The following PTCH1 variants were observed in gnomAD, a reference collection of about 807,000 sequenced individuals.
PTCH1 encodes the protein patched 1, also known as protein patched homolog 1.
In PTCH1, 14 loss-of-function variants were observed where a neutral mutation model predicts 144.6. That is an observed-to-expected ratio of 0.10 (90% CI 0.06 to 0.15). PTCH1 has a LOEUF of 0.15. PTCH1 is among the 10% of genes least tolerant of loss of function. The pLI is 1.00. For synonymous variants in PTCH1, 833 were observed against 793.6 expected, an observed-to-expected ratio of 1.05 and a Z score of -0.83; for missense variants, 1,623 against 1,948.3, an observed-to-expected ratio of 0.83 and a Z score of 3.14.
intron 19 of PTCH1, among the ~76,000 whole-genome samples, chr9:95,454,209 T>C (rs1838718430): frequency 2.0e-5 from 3 of 152,244 alleles, no homozygotes; most frequent in Admixed American, 2.0e-4. Flanking sequence ...CCTGCAGTCC[T>C]AAAGCTCTCC....
chr9:95,451,277 C>T (rs1159691102), intron 20 of PTCH1: 1 of 152,220 alleles, frequency 6.6e-6, no homozygotes, highest in African/African-American at 2.4e-5. Flanking sequence ...TGCATCCCAT[C>T]CATCTAGCTG....
Position 95,447,075 on chromosome 9 carries a change from C to CG in PTCH1, c.4180dup (p.Arg1394ProfsTer10), listed in dbSNP as rs1297699637. The CG allele has an allele frequency of 6.2e-7, 1 of 1,613,848 alleles. No homozygotes were observed. The highest frequency in any genetic ancestry group is 1.3e-5 in the African/African-American group (1 of 74,950). ...AGGGTAGCCTGGGCAGAGTCCCCCT[C>CG]GGGGGTTCCGCCCAGGCCCAGGGAC... On this transcript the variant is annotated frameshift_variant, in exon 23 of 24. Coordinates refer to ENST00000331920, the MANE Select transcript of PTCH1 (RefSeq NM_000264.5). LOFTEE classifies it high-confidence loss of function.
rs1272320675 is a variant in PTCH1 at position 95,482,003 on chromosome 9, G to A, written c.692C>T (p.Pro231Leu). ...CGCCCCTTCCCAGAAGCAGTCCAAA[G>A]GTGTAATAATCAAACAAGGGTAAAG... is the stretch of plus-strand genomic sequence containing the variant. ...EYLYPCLIIT[P>L]LDCFWEGAKL... Residue 231 changes from proline to leucine, a missense_variant, in exon 5 of 24, where the codon CCT becomes CTT. By Grantham distance (98) the Pro-to-Leu change is moderately conservative. Around this residue, in one of 7 missense-constraint regions of PTCH1, gnomAD observed 39 missense variants for 75.6 expected, o/e 0.52. Transcript: ENST00000331920. 6.2e-7 allele frequency: 1 copy of A among 1,613,832 alleles called. No individual in the cohort carries two copies. Among genetic ancestry groups the A allele is most frequent in the South Asian group, 1.1e-5 (1 of 91,062 alleles).
At position 95,476,813 on chromosome 9, in the gene PTCH1, A is replaced by G. The variant is rs1265536724; in HGVS notation, c.1548T>C (p.Phe516=). ...TTTCACTGAAGGCGTGGGCCAGAAG[A>G]AAAACATCATCCACACCAACACCAA... ...LALGVGVDDV[F]LLAHAFSETG... The change falls in exon 11 of 24, where the codon TTT becomes TTC. Residue 516 remains phenylalanine (F), a synonymous_variant. Coordinates refer to ENST00000331920, the MANE Select transcript of PTCH1 (RefSeq NM_000264.5). The surrounding 1 kb of genome is among the most constrained non-coding windows in gnomAD (Gnocchi z 4.6). 1 of 1,614,144 alleles carries G rather than the reference A, an allele frequency of 6.2e-7. No homozygotes were observed. The highest frequency in any genetic ancestry group is 8.5e-7 in the Non-Finnish European group (1 of 1,179,978).
intron 2 of PTCH1, among the ~76,000 whole-genome samples, chr9:95,502,885 G>A (rs1843252320): frequency 6.6e-6 from 1 of 152,158 alleles, no homozygotes; most frequent in Non-Finnish European, 1.5e-5. Context: ...ACAGCCTTTC[G>A]AGTGGATCCC....
chr9:95,485,764 C>T lies in PTCH1; in HGVS notation c.505G>A (p.Val169Ile), dbSNP rs1220933796. 6.2e-7 allele frequency: 1 copy of T among 1,614,178 alleles called. No homozygotes were observed. Among genetic ancestry groups the T allele is most frequent in the Non-Finnish European group, 8.5e-7 (1 of 1,180,030 alleles). ...TGTAGGAGCGCTTCTGTGGTCAGGA[C>T]ATTAGCACCTTCTTCTTTAGGGGTC... ...IQTPKEEGAN[V>I]LTTEALLQHL... is the part of the protein sequence containing the mutation. Residue 169 changes from valine to isoleucine, a missense_variant, in exon 3 of 24, where the codon GTC becomes ATC. Transcript: ENST00000331920.
In PTCH1 at chr9:95,449,250, G is replaced by T. The variant is rs914090288; in HGVS notation, c.3623C>A (p.Ala1208Asp). ...GCTGTGCGTGTGGCCGGGCGGCATG[G>T]CGAAGCGGACCACGCTGGGGGGTGG... is the stretch of plus-strand genomic sequence containing the variant. Reference protein sequence around the residue: ...PEPPPSVVRFAMPPGHTHSGS... With the variant: ...PEPPPSVVRFDMPPGHTHSGS... The change falls in exon 22 of 24, where the codon GCC becomes GAC. Residue 1208 changes from alanine (A) to aspartate (D), a missense_variant. This residue lies in a region of PTCH1 where 504 missense variants were observed against 679.3 expected (regional missense o/e 0.74). Transcript: ENST00000331920. The surrounding 1 kb of genome is among the most constrained non-coding windows in gnomAD (Gnocchi z 5.3). 1.3e-6 allele frequency: 2 copies of T among 1,575,044 alleles called. No individual in the cohort carries two copies. The highest frequency in any genetic ancestry group is 8.6e-7 in the Non-Finnish European group (1 of 1,160,100).
chr9:95,463,420 C>T (rs1411998625), intron 15 of PTCH1, among the ~76,000 whole-genome samples: 4 of 151,988 alleles, frequency 2.6e-5, no homozygotes, highest in Non-Finnish European at 5.9e-5. Flanking sequence ...CTCAGACAGA[C>T]GGGTTTTCAT....
Position 95,508,559 on chromosome 9 carries a change from T to TGCGGCC in PTCH1, c.-204_-199dup, listed in dbSNP as rs904650271. On this transcript the variant is annotated 5_prime_UTR_variant, in exon 1 of 24. Coordinates refer to ENST00000331920, the MANE Select transcript of PTCH1 (RefSeq NM_000264.5). ...CTCACACGGCGGGCGCTGCTGCCGCTGCGGCCGCGGCCGCTGCCGGGGAGT... is the reference window on the plus strand; with the variant it reads ...CTCACACGGCGGGCGCTGCTGCCGCTGCGGCCGCGGCCGCGGCCGCTGCCGGGGAGT... 32 of 1,004,700 alleles carry TGCGGCC rather than the reference T, an allele frequency of 3.2e-5. No homozygotes were observed. Among genetic ancestry groups the TGCGGCC allele is most frequent in the Middle Eastern group, 4.9e-4 (1 of 2,022 alleles). The allele number at this position is 1,004,700 out of a possible 1,614,324, so 62.2% of individuals were successfully genotyped here. A position where few individuals can be genotyped will look rare whatever the true frequency, so the allele number is the denominator to read the frequency against.
At chr9:95,505,205 G>A (rs1374475195) in intron 2 of PTCH1, among the ~76,000 whole-genome samples, 3 of 152,144 alleles carry the variant, frequency 2.0e-5, no homozygotes, top group Non-Finnish European at 4.4e-5. Flanking sequence ...ATTCTTCAAG[G>A]TCTCCAACAG....
chr9:95,453,670 A>G, intron 19 of PTCH1, 50 bp from the exon 20 acceptor site: 1 of 1,608,440 alleles, frequency 6.2e-7, no homozygotes, highest in Non-Finnish European at 8.5e-7. Flanking sequence ...TTCACCTGGT[A>G]AATGCTCAGC....
chr9:95,497,201 A>G (rs1842853998), intron 2 of PTCH1, among the ~76,000 whole-genome samples: 1 of 152,126 alleles, frequency 6.6e-6, no homozygotes, highest in Non-Finnish European at 1.5e-5. Context: ...AAAAACCCTG[A>G]GTGTAGTCAC....
intron 2 of PTCH1, among the ~76,000 whole-genome samples, chr9:95,487,604 A>G (rs1434098629): frequency 1.3e-5 from 2 of 152,230 alleles, no homozygotes; most frequent in Admixed American, 6.5e-5. Flanking sequence ...AAGCTGTATG[A>G]GGCTAAAAAG....
rs1228108239 is a variant in PTCH1 at position 95,476,439 on chromosome 9, G to GTGA, written c.1603-283_1603-281dup. 2.3e-4 allele frequency among the ~76,000 whole-genome samples: 35 copies of GTGA among 152,222 alleles called. No individual in the cohort carries two copies. Among genetic ancestry groups the GTGA allele is most frequent in the African/African-American group, 8.2e-4 (34 of 41,516 alleles). On this transcript the variant is annotated intron_variant, in intron 11 of 23. Coordinates refer to ENST00000331920, the MANE Select transcript of PTCH1 (RefSeq NM_000264.5). This position sits in a 1 kb window ranked among gnomAD's most constrained non-coding sequence, Gnocchi z 4.6. The stretch of plus-strand genomic sequence containing the variant: ...TAATTTTAAAAGGGAGTGGAGGGAG[G>GTGA]TGATGGCTAAGTGACAGACATCTCC...
At chr9:95,471,099 GA>G in intron 12 of PTCH1, among the ~76,000 whole-genome samples, 1 of 151,176 alleles carries the variant, frequency 6.6e-6, no homozygotes, top group South Asian at 2.1e-4. Context: ...AAAAAAGAAA[GA>G]AAGAAAGAAA....
chr9:95,506,875 C>A, intron 1 of PTCH1: 3 of 1,162,818 alleles, frequency 2.6e-6, no homozygotes, highest in East Asian at 4.3e-5. Flanking sequence ...ACTGGGGCTG[C>A]AATACAGAAG....
intron 2 of PTCH1, among the ~76,000 whole-genome samples, chr9:95,495,616 T>C (rs1485863632): frequency 1.3e-5 from 2 of 152,016 alleles, no homozygotes; most frequent in Admixed American, 6.5e-5. Flanking sequence ...ACCTTATATT[T>C]TGTTCAAGGC....
In PTCH1 at chr9:95,506,543, G is replaced by T. The variant is rs1060504533; in HGVS notation, c.258C>A (p.Leu86=). The change falls in exon 2 of 24, where the codon CTC becomes CTA. Residue 86 remains leucine, a synonymous_variant. Coordinates refer to ENST00000331920, the MANE Select transcript of PTCH1 (RefSeq NM_000264.5). ...PLWLRAKFQR[L]LFKLGCYIQK... ...GAATGTAACAACCCAGTTTAAATAA[G>T]AGTCTCTGAAACTTCGCTCTCAGCC... 6.2e-7 allele frequency: 1 copy of T among 1,613,512 alleles called. No homozygotes were observed. The highest frequency in any genetic ancestry group is 2.2e-5 in the East Asian group (1 of 44,828).
intron 1 of PTCH1, chr9:95,506,881 A>C: frequency 8.7e-7 from 1 of 1,155,142 alleles, no homozygotes; most frequent in South Asian, 4.0e-5. Flanking sequence ...GCTGCAATAC[A>C]GAAGAGGAAG....
Sources: gnomAD v4.1 joint callset for allele counts (sites outside exome capture counted in the v4.1 genomes callset) on GRCh38, gnomAD v4.1.1 for gene constraint, gnomAD v4.1.1 regional missense constraint, Gnocchi (gnomAD v3.1) non-coding constraint, MANE v1.5 for transcripts, NCBI Gene and HGNC (gene_info 2026-07-23, HGNC 2026-07-21) for gene names.